The following MAGI3 variants were observed in gnomAD, a reference collection of about 807,000 sequenced individuals.
MAGI3 encodes membrane associated guanylate kinase, WW and PDZ domain containing 3, also known as membrane-associated guanylate kinase, WW and PDZ domain-containing protein 3.
In MAGI3, 43 loss-of-function variants were observed where a neutral mutation model predicts 121.8. That is an observed-to-expected ratio of 0.35 (90% CI 0.28 to 0.46). MAGI3 has a LOEUF of 0.46. MAGI3 is among the 20% of genes least tolerant of loss of function. MAGI3 has a pLI of 1.00. For missense variants in MAGI3, 1,547 were observed against 1,797.3 expected, an observed-to-expected ratio of 0.86 and a Z score of 2.52; for synonymous variants, 553 against 639.3, an observed-to-expected ratio of 0.86 and a Z score of 2.04.
chr1:113,510,873 C>A (rs1657581789), intron 1 of MAGI3, among the ~76,000 whole-genome samples: 1 of 152,220 alleles, frequency 6.6e-6, no homozygotes, highest in African/African-American at 2.4e-5. Context: ...CCCTGAGTAT[C>A]CTTATTTTGC....
chr1:113,420,339 T>C (rs1652674766), intron 1 of MAGI3, among the ~76,000 whole-genome samples: 1 of 152,198 alleles, frequency 6.6e-6, no homozygotes, highest in Admixed American at 6.5e-5. Flanking sequence ...GAATTCAACT[T>C]TTACTCCATT....
chr1:113,461,918 A>T (rs1198508645), intron 1 of MAGI3, among the ~76,000 whole-genome samples: 3 of 152,242 alleles, frequency 2.0e-5, no homozygotes, highest in Admixed American at 1.3e-4. Context: ...ACATGAACAG[A>T]CACTTCCCAA....
intron 19 of MAGI3, among the ~76,000 whole-genome samples, chr1:113,679,725 G>A (rs988010856): frequency 2.6e-5 from 2 of 78,252 alleles, no homozygotes; most frequent in African/African-American, 8.5e-5. Flanking sequence ...TTTTTTTTTT[G>A]AGACGGAGTT....
rs947573301 is a variant in MAGI3 at position 113,449,954 on chromosome 1, A to G, written c.316+58605A>G. The G allele has an allele frequency of 3.9e-6, 6 of 1,546,362 alleles. No homozygotes were observed. In the African/African-American group the frequency reaches 8.1e-5, roughly 21 times the overall value. On this transcript the variant is annotated intron_variant, in intron 1 of 20. Coordinates refer to ENST00000307546, the MANE Select transcript of MAGI3 (RefSeq NM_001142782.2). ...AGGTTGATGGGCGTGTAGTGGAACC[A>G]AAGACAGCTGTTTCTAGAGAGGATT... is the stretch of plus-strand genomic sequence containing the variant.
At chr1:113,647,573 CA>C (rs1202978670) in intron 12 of MAGI3, among the ~76,000 whole-genome samples, 1 of 152,032 alleles carries the variant, frequency 6.6e-6, no homozygotes, top group African/African-American at 2.4e-5. Flanking sequence ...AAATCTTTTC[CA>C]AAGTAAAATT....
At chr1:113,592,725 T>G (rs1648760122) in intron 5 of MAGI3, among the ~76,000 whole-genome samples, 1 of 152,098 alleles carries the variant, frequency 6.6e-6, no homozygotes, top group East Asian at 1.9e-4. Context: ...TATTAAAAAC[T>G]GTTTTGGCCA....
intron 20 of MAGI3, chr1:113,682,114 G>T: frequency 7.5e-7 from 1 of 1,333,610 alleles, no homozygotes. Flanking sequence ...TCCACCATCT[G>T]CTTGTAAATC....
intron 1 of MAGI3, among the ~76,000 whole-genome samples, chr1:113,442,285 G>A (rs1490385719): frequency 6.6e-6 from 1 of 152,114 alleles, no homozygotes; most frequent in African/African-American, 2.4e-5. Flanking sequence ...GTTGTATGAC[G>A]GAAGTACCCA....
intron 1 of MAGI3, among the ~76,000 whole-genome samples, chr1:113,494,592 C>G (rs1222974630): frequency 6.6e-6 from 1 of 151,956 alleles, no homozygotes; most frequent in African/African-American, 2.4e-5. Flanking sequence ...ATGATGTATC[C>G]CAATATCTCT....
At chr1:113,430,665 C>G (rs894654592) in intron 1 of MAGI3, among the ~76,000 whole-genome samples, 44 of 152,268 alleles carry the variant, frequency 2.9e-4, no homozygotes, top group African/African-American at 1.0e-3. Context: ...CGTACTAGAT[C>G]AGTTATCTGG....
intron 9 of MAGI3, among the ~76,000 whole-genome samples, chr1:113,626,774 T>A (rs1329058115): frequency 6.6e-6 from 1 of 152,234 alleles, no homozygotes; most frequent in Non-Finnish European, 1.5e-5. Context: ...ATCCTTTGAA[T>A]TTCTGCAGTA....
intron 1 of MAGI3, among the ~76,000 whole-genome samples, chr1:113,548,155 A>G (rs1490157429): frequency 6.6e-6 from 1 of 152,238 alleles, no homozygotes; most frequent in Non-Finnish European, 1.5e-5. Context: ...GCTTGTCATA[A>G]GTGCGTTGCT....
At position 113,659,064 on chromosome 1, in the gene MAGI3, GT is replaced by G. The variant is rs761085540; in HGVS notation, c.2630-8del. The G allele has an allele frequency of 1.9e-5, 29 of 1,564,408 alleles. No individual in the cohort carries two copies. The highest frequency in any genetic ancestry group is 1.0e-4 in the Admixed American group (5 of 50,160). ...ATCTTAAATAATTGAAAAACCTGGG[GT>G]TTTTTTTCCCATAGTTATTCCTCAT... On this transcript the variant is annotated splice_polypyrimidine_tract_variant and intron_variant, in intron 15 of 20. Transcript: ENST00000307546.
chr1:113,592,003 A>G (rs1267941033), intron 5 of MAGI3, among the ~76,000 whole-genome samples: 1 of 152,162 alleles, frequency 6.6e-6, no homozygotes, highest in Non-Finnish European at 1.5e-5. Context: ...AAAAAGCTTT[A>G]CAACATTGGA....
chr1:113,420,347 A>G (rs1652675547), intron 1 of MAGI3, among the ~76,000 whole-genome samples: 1 of 152,188 alleles, frequency 6.6e-6, no homozygotes, highest in Non-Finnish European at 1.5e-5. Context: ...CTTTTACTCC[A>G]TTAGTTGCTG....
chr1:113,444,607 A>G (rs1178208525), intron 1 of MAGI3, among the ~76,000 whole-genome samples: 3 of 152,214 alleles, frequency 2.0e-5, no homozygotes, highest in Non-Finnish European at 4.4e-5. Context: ...TAGAAATAAC[A>G]ACAAAACCCA....
At chr1:113,653,736 T>G (rs767482204) in intron 14 of MAGI3, 94 bp from the exon 15 acceptor site, 112 of 1,126,686 alleles carry the variant, frequency 9.9e-5, no homozygotes, top group Non-Finnish European at 1.4e-4. Context: ...TATTAGAAAC[T>G]GAATTTTTCT....
intron 6 of MAGI3, among the ~76,000 whole-genome samples, chr1:113,604,789 A>G (rs895487366): frequency 2.0e-5 from 3 of 151,386 alleles, no homozygotes; most frequent in African/African-American, 4.8e-5. Context: ...AAAGACAAAC[A>G]AAGTCGTATA....
intron 2 of MAGI3, among the ~76,000 whole-genome samples, chr1:113,571,770 T>G (rs1024835341): frequency 6.6e-6 from 1 of 152,200 alleles, no homozygotes; most frequent in African/African-American, 2.4e-5. Flanking sequence ...CTGAAGTTGC[T>G]TATCAGCTTA....
Sources: gnomAD v4.1 joint callset for allele counts (sites outside exome capture counted in the v4.1 genomes callset) on GRCh38, gnomAD v4.1.1 for gene constraint, MANE v1.5 for transcripts, NCBI Gene and HGNC (gene_info 2026-07-23, HGNC 2026-07-21) for gene names.